Variants in SH3RF1 observed in about 807,000 individuals in gnomAD.
The protein encoded by SH3RF1 is E3 ubiquitin-protein ligase SH3RF1.
In SH3RF1, 32 loss-of-function variants were observed where a neutral mutation model predicts 74.0. The ratio of observed to expected loss-of-function variants is 0.43; its 90% confidence interval spans 0.33 to 0.58. The LOEUF is 0.58. Among genes scored for constraint, SH3RF1 ranks in the 20% least tolerant of loss-of-function variants. The pLI, the probability that SH3RF1 is intolerant of heterozygous loss-of-function variation, is 0.05. For missense variants in SH3RF1, 954 were observed against 1,130.9 expected (o/e 0.84, Z 2.24); for synonymous variants, 396 against 439.6 (o/e 0.90, Z 1.24).
At chr4:169,105,954 C>CA (rs1437194981) in intron 11 of SH3RF1, among the ~76,000 whole-genome samples, 2 of 151,962 alleles carry the variant, frequency 1.3e-5, no homozygotes, top group African/African-American at 2.4e-5. Context: ...CGTGGGCATG[C>CA]AGTGCAACAC....
intron 2 of SH3RF1, among the ~76,000 whole-genome samples, chr4:169,263,698 T>C (rs1731313208): frequency 6.6e-6 from 1 of 152,240 alleles, no homozygotes; most frequent in Non-Finnish European, 1.5e-5. Flanking sequence ...CATCATTACC[T>C]ATCCCTTGAG....
intron 2 of SH3RF1, among the ~76,000 whole-genome samples, chr4:169,265,693 G>T (rs1441276726): frequency 6.6e-6 from 1 of 151,954 alleles, no homozygotes; most frequent in East Asian, 1.9e-4. Flanking sequence ...TGGTGGTCTG[G>T]AACTCTTGAC....
chr4:169,256,307 G>C (rs1731193760), intron 2 of SH3RF1, among the ~76,000 whole-genome samples: 1 of 151,694 alleles, frequency 6.6e-6, no homozygotes, highest in African/African-American at 2.4e-5. Context: ...GGAAGGGAAG[G>C]AGGAAGGAAG....
intron 2 of SH3RF1, among the ~76,000 whole-genome samples, chr4:169,250,073 A>G (rs145995216): frequency 1.0e-4 from 16 of 152,382 alleles, no homozygotes; most frequent in African/African-American, 3.8e-4. Context: ...CTCCTTAAAC[A>G]GTTTTAGGTA....
intron 3 of SH3RF1, among the ~76,000 whole-genome samples, chr4:169,156,042 G>T (rs1000134118): frequency 2.0e-5 from 3 of 152,082 alleles, no homozygotes; most frequent in Admixed American, 2.0e-4. Context: ...TTTAGGCAAA[G>T]AATTTTACAT....
chr4:169,176,681 C>T (rs1434668053), intron 2 of SH3RF1, among the ~76,000 whole-genome samples: 1 of 152,016 alleles, frequency 6.6e-6, no homozygotes, highest in African/African-American at 2.4e-5. Context: ...GCTGAGATTA[C>T]AGGCATGCAC....
intron 2 of SH3RF1, among the ~76,000 whole-genome samples, chr4:169,206,734 G>A (rs1199832588): frequency 1.3e-5 from 2 of 152,100 alleles, no homozygotes; most frequent in Non-Finnish European, 2.9e-5. Context: ...AAACACACAA[G>A]CCATGGGAGA....
intron 2 of SH3RF1, among the ~76,000 whole-genome samples, chr4:169,209,371 T>G (rs115187539): frequency 0.017 from 2,520 of 151,902 alleles, 74 homozygotes; most frequent in African/African-American, 0.058. Flanking sequence ...CAGATAAGGA[T>G]CCACTTCATC....
intron 2 of SH3RF1, among the ~76,000 whole-genome samples, chr4:169,248,995 AGGTG>A (rs1380642051): frequency 3.9e-5 from 6 of 152,194 alleles, no homozygotes; most frequent in African/African-American, 1.4e-4. Context: ...TGGGAGGCCG[AGGTG>A]GGCAGATCAC....
intron 2 of SH3RF1, among the ~76,000 whole-genome samples, chr4:169,215,204 G>A (rs950193987): frequency 2.0e-5 from 3 of 152,074 alleles, no homozygotes; most frequent in Non-Finnish European, 2.9e-5. Flanking sequence ...GCATCTACTG[G>A]TATGACCATA....
At chr4:169,249,023 C>G (rs547175433) in intron 2 of SH3RF1, among the ~76,000 whole-genome samples, 21 of 152,132 alleles carry the variant, frequency 1.4e-4, no homozygotes, top group Middle Eastern at 6.8e-3. Context: ...GTCAGGAGAT[C>G]GAGACCATTC....
rs1299877682 is a variant in SH3RF1, at chr4:169,122,091, C to CA, written c.1346+8_1346+9insT. ...CACATAAGCAGTAACAGACGACACG[C>CA]TCACTTACACACTGGGGCGAGTCTG... On this transcript the variant is annotated intron_variant, in intron 7 of 11. Transcript: ENST00000284637. The CA allele has an allele frequency of 1.2e-6, 2 of 1,610,640 alleles. No individual in the cohort carries two copies. Among genetic ancestry groups the CA allele is most frequent in the Non-Finnish European group, 1.7e-6 (2 of 1,178,634 alleles).
rs17626658 is a variant in SH3RF1 at position 169,109,436 on chromosome 4, C to T, written c.2140-2231G>A. ...TAATGACTTCTAAGGGATGTCTTAT[C>T]ATCATCAACTGATGCTGACTACCCA... On this transcript the variant is annotated intron_variant, in intron 10 of 11. Coordinates refer to ENST00000284637, the MANE Select transcript of SH3RF1 (RefSeq NM_020870.4). 4.9e-3 allele frequency among the ~76,000 whole-genome samples: 749 copies of T among 152,282 alleles called. 8 individuals are homozygous for T. Among genetic ancestry groups the T allele is most frequent in the South Asian group, 0.035 (167 of 4,830 alleles).
intron 2 of SH3RF1, among the ~76,000 whole-genome samples, chr4:169,181,000 A>T (rs1338206988): frequency 6.6e-6 from 1 of 152,178 alleles, no homozygotes; most frequent in Admixed American, 6.5e-5. Flanking sequence ...CGCTCTAGGG[A>T]CCAGAGGATG....
In SH3RF1 at chr4:169,180,796, C is replaced by CA. The variant is rs920878079; in HGVS notation, c.394-24118dup. On this transcript the variant is annotated intron_variant, in intron 2 of 11. Coordinates refer to ENST00000284637, the MANE Select transcript of SH3RF1 (RefSeq NM_020870.4). ...ACTTCATAAACTTCAATATAAACAA[C>CA]AAAAAAAGTAAACCCACCACTTTTA... Among the ~76,000 whole-genome samples the CA allele has an allele frequency of 5.9e-5, 9 of 152,116 alleles. No homozygotes were observed. In the South Asian group the frequency reaches 1.9e-3, roughly 32 times the overall value.
chr4:169,118,288 T>C (rs1165514400), intron 8 of SH3RF1, among the ~76,000 whole-genome samples: 1 of 152,246 alleles, frequency 6.6e-6, no homozygotes, highest in Non-Finnish European at 1.5e-5. Context: ...ATCTCATTTA[T>C]GTTTCAAGAT....
At chr4:169,124,875 CCA>C (rs35452069) in intron 6 of SH3RF1, among the ~76,000 whole-genome samples, 1,801 of 152,310 alleles carry the variant, frequency 0.012, 42 homozygotes, top group African/African-American at 0.041. Flanking sequence ...CCTGAAATTT[CCA>C]CAGAGTAAAA....
intron 4 of SH3RF1, among the ~76,000 whole-genome samples, chr4:169,139,789 T>C (rs1733755015): frequency 6.6e-6 from 1 of 152,184 alleles, no homozygotes; most frequent in African/African-American, 2.4e-5. Flanking sequence ...GTTCTAGTCC[T>C]AGCACAGCCA....
intron 2 of SH3RF1, among the ~76,000 whole-genome samples, chr4:169,179,697 C>A (rs749637921): frequency 6.6e-6 from 1 of 152,182 alleles, no homozygotes; most frequent in Non-Finnish European, 1.5e-5. Flanking sequence ...GACAACACTG[C>A]GCAAACTTTG....
Sources: allele counts gnomAD v4.1 joint callset (sites outside exome capture counted in the v4.1 genomes callset), GRCh38; gene constraint gnomAD v4.1.1; transcripts MANE v1.5; gene names NCBI Gene and HGNC (gene_info 2026-07-23, HGNC 2026-07-21).